The following SHROOM3 variants were observed in gnomAD, a reference collection of about 807,000 sequenced individuals.
The protein encoded by SHROOM3 is shroom family member 3.
In SHROOM3, 47 loss-of-function variants were observed where a neutral mutation model predicts 138.6. That is an observed-to-expected ratio of 0.34 (90% CI 0.27 to 0.43). SHROOM3 has a LOEUF of 0.43. Among genes scored for constraint, SHROOM3 ranks in the 20% least tolerant of loss-of-function variants. The pLI, the probability that SHROOM3 is intolerant of heterozygous loss-of-function variation, is 1.00. For synonymous variants in SHROOM3, 1,062 were observed against 1,063.3 expected, an observed-to-expected ratio of 1.00 and a Z score of 0.02; for missense variants, 2,491 against 2,596.5, an observed-to-expected ratio of 0.96 and a Z score of 0.88.
intron 1 of SHROOM3, among the ~76,000 whole-genome samples, chr4:76,479,446 G>C (rs955001913): frequency 6.6e-6 from 1 of 151,950 alleles, no homozygotes; most frequent in East Asian, 1.9e-4. Flanking sequence ...AGAATGAAAA[G>C]GAATGAACAA....
chr4:76,566,483 GA>G, intron 2 of SHROOM3, among the ~76,000 whole-genome samples: 1 of 152,242 alleles, frequency 6.6e-6, no homozygotes, highest in Admixed American at 6.5e-5. Flanking sequence ...CCCATTTCTT[GA>G]GAATGAGGGG....
chr4:76,739,188 G>A lies in SHROOM3; in HGVS notation c.1015G>A (p.Ala339Thr). ...LLQGREARAS[A>T]NGQGYDKWSN... ...TCAAGGTAGGGAGGCCCGAGCCTCA[G>A]CAAATGGTCAGGGCTATGATAAATG... Residue 339 changes from alanine to threonine, a missense_variant, in exon 5 of 11, where the codon GCA becomes ACA. Around this residue, in one of 4 missense-constraint regions of SHROOM3, gnomAD observed 1,733 missense variants for 1,661.6 expected, o/e 1.04. Coordinates refer to ENST00000296043, the MANE Select transcript of SHROOM3 (RefSeq NM_020859.4). 1 of 1,614,148 alleles carries A rather than the reference G, an allele frequency of 6.2e-7. No homozygotes were observed. Among genetic ancestry groups the A allele is most frequent in the Non-Finnish European group, 8.5e-7 (1 of 1,180,022 alleles).
In SHROOM3 at chr4:76,589,912, G is replaced by A. The variant is rs561596358; in HGVS notation, c.323+34149G>A. Among the ~76,000 whole-genome samples the A allele has an allele frequency of 1.2e-4, 19 of 152,338 alleles. No individual in the cohort carries two copies. The South Asian group carries it at 3.9e-3, about 32-fold the overall frequency. On this transcript the variant is annotated intron_variant, in intron 2 of 10. Coordinates refer to ENST00000296043, the MANE Select transcript of SHROOM3 (RefSeq NM_020859.4). ...TATCATTATCCTAGTGTGGAAGAGA[G>A]AGAGAAAAAGAATGAAATGGAAGAA... is the stretch of plus-strand genomic sequence containing the variant.
chr4:76,529,316 G>A (rs748559477), intron 1 of SHROOM3, among the ~76,000 whole-genome samples: 4 of 151,636 alleles, frequency 2.6e-5, no homozygotes, highest in Non-Finnish European at 4.4e-5. Flanking sequence ...TCTTTTTGTA[G>A]GATTCTTTTT....
chr4:76,551,909 T>G (rs902953034), intron 1 of SHROOM3, among the ~76,000 whole-genome samples: 6 of 151,580 alleles, frequency 4.0e-5, no homozygotes, highest in Admixed American at 1.3e-4. Context: ...TCACCCAGGC[T>G]GGAGTGCAGT....
intron 1 of SHROOM3, among the ~76,000 whole-genome samples, chr4:76,501,806 T>C (rs1732102306): frequency 6.6e-6 from 1 of 152,232 alleles, no homozygotes; most frequent in Non-Finnish European, 1.5e-5. Flanking sequence ...CCCAACTTCA[T>C]GGGCATAGGA....
chr4:76,714,778 C>T (rs1202777135), intron 3 of SHROOM3, among the ~76,000 whole-genome samples: 2 of 152,050 alleles, frequency 1.3e-5, no homozygotes, highest in Non-Finnish European at 2.9e-5. Flanking sequence ...TTAAAAAAGC[C>T]TATTTCTCTC....
chr4:76,611,973 G>A (rs1407714045), intron 2 of SHROOM3, among the ~76,000 whole-genome samples: 2 of 152,156 alleles, frequency 1.3e-5, no homozygotes, highest in Non-Finnish European at 2.9e-5. Context: ...AATATTCTTA[G>A]AACAATGTTT....
chr4:76,438,580 A>G (rs578126024), intron 1 of SHROOM3, among the ~76,000 whole-genome samples: 13 of 152,200 alleles, frequency 8.5e-5, no homozygotes, highest in African/African-American at 2.6e-4. Flanking sequence ...AAACTCTTTA[A>G]AGCTCCATTT....
At chr4:76,767,050 T>G (rs1033856216) in intron 9 of SHROOM3, among the ~76,000 whole-genome samples, 2 of 152,202 alleles carry the variant, frequency 1.3e-5, no homozygotes, top group Non-Finnish European at 2.9e-5. Context: ...TTATTTATGG[T>G]TCTGCCCAGC....
intron 2 of SHROOM3, among the ~76,000 whole-genome samples, chr4:76,603,107 G>A (rs1734538825): frequency 1.3e-5 from 2 of 152,064 alleles, no homozygotes; most frequent in Admixed American, 1.3e-4. Flanking sequence ...CATGTTCCTG[G>A]AGATAGTTAT....
intron 1 of SHROOM3, among the ~76,000 whole-genome samples, chr4:76,458,504 C>T (rs66968407): frequency 0.057 from 8,690 of 152,184 alleles, 262 homozygotes; most frequent in Middle Eastern, 0.075. Context: ...TATCTGGTTC[C>T]GGAACTTTTT....
At position 76,779,502 on chromosome 4, in the gene SHROOM3, T is replaced by G; in HGVS notation, c.*325T>G. 3.6e-6 allele frequency: 1 copy of G among 279,224 alleles called. No individual in the cohort carries two copies. Among genetic ancestry groups the G allele is most frequent in the Non-Finnish European group, 6.8e-6 (1 of 146,766 alleles). The allele number at this position is 279,224 out of a possible 1,614,324, so 17.3% of individuals were successfully genotyped here. On this transcript the variant is annotated 3_prime_UTR_variant, in exon 11 of 11. Coordinates refer to ENST00000296043, the MANE Select transcript of SHROOM3 (RefSeq NM_020859.4). ...CTGAGGCAACATGGATCAGTGTGTG[T>G]CCCCCTCAGGAATGTATCCACAGTG... is the stretch of plus-strand genomic sequence containing the variant.
At chr4:76,735,858 AAAAAAAAAAAATATATATAT>A (rs1321523467) in intron 4 of SHROOM3, among the ~76,000 whole-genome samples, 143 of 52,854 alleles carry the variant, frequency 2.7e-3, no homozygotes, top group Admixed American at 6.1e-3. Flanking sequence ...AAAAAAAAAA[AAAAAAAAAAAATATATATAT>A]ATATATATAT....
At chr4:76,736,115 C>T (rs1721064901) in intron 4 of SHROOM3, among the ~76,000 whole-genome samples, 1 of 136,078 alleles carries the variant, frequency 7.3e-6, no homozygotes, top group East Asian at 2.4e-4. Context: ...TTCCATTTCC[C>T]CTGGAAGTAT....
At chr4:76,604,742 G>T (rs531264883) in intron 2 of SHROOM3, among the ~76,000 whole-genome samples, 52 of 152,332 alleles carry the variant, frequency 3.4e-4, no homozygotes, top group Non-Finnish European at 6.5e-4. Context: ...TAGCAGGGAT[G>T]TTGAAACACT....
Position 76,756,475 on chromosome 4 carries a change from T to C in SHROOM3, c.4736T>C (p.Ile1579Thr). The change falls in exon 8 of 11, where the codon ATT becomes ACT. Residue 1579 changes from isoleucine (I) to threonine (T), a missense_variant. Transcript: ENST00000296043. The part of the protein sequence containing the change: ...PSFNKLSKVT[I>T]ARERHMPGAA... ...TTCAACAAACTTTCTAAAGTGACAA[T>C]TGCAAGGGAAAGGCACATGCCTGGT... 2 of 1,613,200 alleles carry C rather than the reference T, an allele frequency of 1.2e-6. No homozygotes were observed. The highest frequency in any genetic ancestry group is 2.2e-5 in the East Asian group (1 of 44,836).
intron 2 of SHROOM3, among the ~76,000 whole-genome samples, chr4:76,632,474 G>A (rs894143696): frequency 1.3e-5 from 2 of 152,184 alleles, no homozygotes; most frequent in African/African-American, 4.8e-5. Context: ...GCAATAGTGA[G>A]CTGTGATGAA....
At chr4:76,765,104 G>A (rs1218408941) in intron 9 of SHROOM3, among the ~76,000 whole-genome samples, 1 of 148,030 alleles carries the variant, frequency 6.8e-6, no homozygotes, top group East Asian at 2.0e-4. Flanking sequence ...TCTCCATTCT[G>A]CCAGTGATTT....
Sources: gnomAD v4.1 joint callset for allele counts (sites outside exome capture counted in the v4.1 genomes callset) on GRCh38, gnomAD v4.1.1 for gene constraint, gnomAD v4.1.1 regional missense constraint, MANE v1.5 for transcripts, NCBI Gene and HGNC (gene_info 2026-07-23, HGNC 2026-07-21) for gene names.